Variants in UBASH3B observed in about 807,000 individuals in gnomAD.
UBASH3B encodes the protein ubiquitin associated and SH3 domain containing B.
In UBASH3B, 37 loss-of-function variants were observed where a neutral mutation model predicts 83.4. That is an observed-to-expected ratio of 0.44 (90% CI 0.34 to 0.58). The LOEUF (loss-of-function observed/expected upper bound fraction) is 0.58. UBASH3B is among the 20% of genes least tolerant of loss of function. The pLI is 0.01. For missense variants in UBASH3B, 657 were observed against 827.2 expected (o/e 0.79, Z 2.52); for synonymous variants, 304 against 318.3 (o/e 0.96, Z 0.48).
At chr11:122,666,355 G>A (rs999002025) in intron 1 of UBASH3B, among the ~76,000 whole-genome samples, 2 of 152,174 alleles carry the variant, frequency 1.3e-5, no homozygotes, top group African/African-American at 4.8e-5. Flanking sequence ...ACGATGCAGG[G>A]TCGCTGGAGT....
At chr11:122,680,223 T>A (rs932512649) in intron 1 of UBASH3B, among the ~76,000 whole-genome samples, 7 of 152,224 alleles carry the variant, frequency 4.6e-5, no homozygotes, top group African/African-American at 1.7e-4. Flanking sequence ...TGGGCTGTAG[T>A]TTGCTGGCTC....
intron 1 of UBASH3B, among the ~76,000 whole-genome samples, chr11:122,708,230 A>G (rs1304130155): frequency 6.6e-6 from 1 of 151,514 alleles, no homozygotes; most frequent in Non-Finnish European, 1.5e-5. Flanking sequence ...GTTGCTCCTT[A>G]GAGGTGAGAT....
intron 1 of UBASH3B, among the ~76,000 whole-genome samples, chr11:122,731,710 G>C (rs1051558562): frequency 6.6e-6 from 1 of 152,188 alleles, no homozygotes; most frequent in African/African-American, 2.4e-5. Flanking sequence ...CTTGTGAGTT[G>C]TTTATTTCTG....
chr11:122,734,135 C>T (rs1860893754), intron 1 of UBASH3B, among the ~76,000 whole-genome samples: 1 of 152,172 alleles, frequency 6.6e-6, no homozygotes, highest in African/African-American at 2.4e-5. Context: ...GATCTGCCTG[C>T]CTCAGCCTCC....
At chr11:122,747,909 A>G (rs951128022) in intron 1 of UBASH3B, among the ~76,000 whole-genome samples, 4 of 152,222 alleles carry the variant, frequency 2.6e-5, no homozygotes, top group African/African-American at 9.6e-5. Flanking sequence ...CATTTGTGTA[A>G]CAGGGATAAT....
chr11:122,657,692 G>A (rs1471039008), intron 1 of UBASH3B, among the ~76,000 whole-genome samples: 2 of 152,210 alleles, frequency 1.3e-5, no homozygotes, highest in South Asian at 2.1e-4. Flanking sequence ...GCTGGGACAC[G>A]TTGGAGTGGC....
intron 1 of UBASH3B, among the ~76,000 whole-genome samples, chr11:122,706,662 G>T (rs1864123639): frequency 6.6e-6 from 1 of 152,164 alleles, no homozygotes; most frequent in Non-Finnish European, 1.5e-5. Flanking sequence ...GAGTGGACTT[G>T]TAGGCTTTTA....
intron 1 of UBASH3B, among the ~76,000 whole-genome samples, chr11:122,735,594 A>G (rs1440051738): frequency 6.6e-6 from 1 of 152,260 alleles, no homozygotes; most frequent in Non-Finnish European, 1.5e-5. Flanking sequence ...AGGAATACAC[A>G]GTGTGGGAAA....
intron 1 of UBASH3B, among the ~76,000 whole-genome samples, chr11:122,764,697 C>T (rs963162057): frequency 2.6e-5 from 4 of 152,228 alleles, no homozygotes; most frequent in African/African-American, 9.6e-5. Flanking sequence ...TCTCAACTAA[C>T]AGACAGTGGT....
At chr11:122,770,192 A>G (rs1860618455) in intron 1 of UBASH3B, among the ~76,000 whole-genome samples, 1 of 152,252 alleles carries the variant, frequency 6.6e-6, no homozygotes, top group Non-Finnish European at 1.5e-5. Flanking sequence ...TGCAAAGTCA[A>G]GGACAATACA....
intron 1 of UBASH3B, among the ~76,000 whole-genome samples, chr11:122,741,023 A>G (rs1163323322): frequency 1.3e-5 from 2 of 152,236 alleles, no homozygotes; most frequent in African/African-American, 4.8e-5. Flanking sequence ...GCATATTAAC[A>G]TATAAATGAA....
chr11:122,675,409 G>A (rs967845029), intron 1 of UBASH3B, among the ~76,000 whole-genome samples: 1 of 152,214 alleles, frequency 6.6e-6, no homozygotes, highest in Admixed American at 6.5e-5. Context: ...TGACGCGGAT[G>A]CTCAGCGTTC....
chr11:122,691,031 G>A (rs76708303), intron 1 of UBASH3B, among the ~76,000 whole-genome samples: 1,609 of 152,220 alleles, frequency 0.011, 27 homozygotes, highest in African/African-American at 0.035. Flanking sequence ...CGGGTCTTCC[G>A]GACTCCTCCC....
chr11:122,725,057 A>AC, intron 1 of UBASH3B, among the ~76,000 whole-genome samples: 1 of 14,972 alleles, frequency 6.7e-5, no homozygotes, highest in South Asian at 2.3e-3. Context: ...CCTAACCCCC[A>AC]CCCCCCGATT....
intron 1 of UBASH3B, among the ~76,000 whole-genome samples, chr11:122,725,058 C>T (rs1285054593): frequency 6.8e-6 from 1 of 146,228 alleles, no homozygotes; most frequent in Non-Finnish European, 1.5e-5. Context: ...CTAACCCCCA[C>T]CCCCCGATTC....
intron 1 of UBASH3B, among the ~76,000 whole-genome samples, chr11:122,694,950 C>CTTTTTT (rs1863944579): frequency 2.6e-5 from 2 of 77,120 alleles, no homozygotes; most frequent in African/African-American, 4.5e-5. Context: ...CTTTTCTTTT[C>CTTTTTT]TTTCTTTTTT....
chr11:122,760,544 G>T (rs1006387688), intron 1 of UBASH3B, among the ~76,000 whole-genome samples: 3 of 152,096 alleles, frequency 2.0e-5, no homozygotes, highest in African/African-American at 7.2e-5. Context: ...TGTATTTTTA[G>T]TAGAGACGGG....
At chr11:122,787,740 T>C (rs777504184) in intron 5 of UBASH3B, among the ~76,000 whole-genome samples, 19 of 152,212 alleles carry the variant, frequency 1.2e-4, no homozygotes, top group Non-Finnish European at 2.6e-4. Context: ...AGGTGTTTTC[T>C]TAGATTGTCT....
At chr11:122,689,012 C>A (rs1415100001) in intron 1 of UBASH3B, among the ~76,000 whole-genome samples, 1 of 146,456 alleles carries the variant, frequency 6.8e-6, no homozygotes, top group Non-Finnish European at 1.5e-5. Flanking sequence ...ATTGGCCAGG[C>A]TGGTCTCGAA....
Sources: allele counts gnomAD v4.1 joint callset (sites outside exome capture counted in the v4.1 genomes callset), GRCh38; gene constraint gnomAD v4.1.1; transcripts MANE v1.5; gene names NCBI Gene and HGNC (gene_info 2026-07-23, HGNC 2026-07-21).